LRP1B: variants seen among roughly 807,000 people sequenced by gnomAD.
The protein encoded by LRP1B is LDL receptor related protein 1B, also known as low-density lipoprotein receptor-related protein 1B.
Under a neutral mutation model 556.6 loss-of-function variants are expected in LRP1B, and 217 were observed. The ratio of observed to expected loss-of-function variants is 0.39; its 90% CI spans 0.35 to 0.44. The LOEUF is 0.44. Ranked by LOEUF, LRP1B falls within the 20% of genes least tolerant of loss-of-function variation. The probability of loss-of-function intolerance (pLI) is 1.00; values close to 1 mark genes in which losing one functional copy is unlikely to be tolerated. For synonymous variants in LRP1B, 2,047 were observed against 1,865.8 expected, an observed-to-expected ratio of 1.10 and a Z score of -2.50; for missense variants, 5,053 against 5,620.8, an observed-to-expected ratio of 0.90 and a Z score of 3.23.
chr2:141,300,548 G>A (rs1686350275), intron 3 of LRP1B, among the ~76,000 whole-genome samples: 1 of 152,194 alleles, frequency 6.6e-6, no homozygotes. Context: ...CAATGTTGAA[G>A]GTGAGCTTCG....
At chr2:141,585,885 CTT>C (rs11459511) in intron 2 of LRP1B, among the ~76,000 whole-genome samples, 10 of 144,218 alleles carry the variant, frequency 6.9e-5, no homozygotes, top group Middle Eastern at 3.6e-3. Flanking sequence ...TACAGGTGCA[CTT>C]TTTTTTTTTT....
chr2:140,580,158 G>C (rs1681703827), intron 43 of LRP1B, among the ~76,000 whole-genome samples: 1 of 152,134 alleles, frequency 6.6e-6, no homozygotes, highest in Non-Finnish European at 1.5e-5. Flanking sequence ...TTGACCAAGT[G>C]TCTTGTGTTT....
At chr2:141,083,114 T>C (rs1363459522) in intron 7 of LRP1B, among the ~76,000 whole-genome samples, 2 of 152,244 alleles carry the variant, frequency 1.3e-5, no homozygotes, top group African/African-American at 4.8e-5. Flanking sequence ...AGAATATTCT[T>C]ATAAAAATAT....
At chr2:140,905,574 C>T (rs886951345) in intron 22 of LRP1B, among the ~76,000 whole-genome samples, 26 of 152,234 alleles carry the variant, frequency 1.7e-4, no homozygotes, top group African/African-American at 6.3e-4. Flanking sequence ...GGGTCTTACT[C>T]TTACTTGCTG....
intron 2 of LRP1B, among the ~76,000 whole-genome samples, chr2:141,601,247 T>C (rs1687728685): frequency 6.6e-6 from 1 of 152,058 alleles, no homozygotes; most frequent in South Asian, 2.1e-4. Flanking sequence ...TCTATCTTAA[T>C]AACAGCACAT....
At chr2:141,306,130 T>C (rs1419896801) in intron 3 of LRP1B, among the ~76,000 whole-genome samples, 1 of 125,176 alleles carries the variant, frequency 8.0e-6, no homozygotes, top group Non-Finnish European at 1.7e-5. Flanking sequence ...TTACCTACTC[T>C]TCAATTATTT....
chr2:141,432,451 A>T (rs971614330), intron 3 of LRP1B, among the ~76,000 whole-genome samples: 1 of 152,032 alleles, frequency 6.6e-6, no homozygotes, highest in Non-Finnish European at 1.5e-5. Context: ...TTCTTGCCTA[A>T]TAGAATGAAT....
chr2:141,339,055 C>T (rs3109351), intron 3 of LRP1B, among the ~76,000 whole-genome samples: 91,578 of 151,884 alleles, frequency 0.6, 28,481 homozygotes, highest in African/African-American at 0.68. Flanking sequence ...TTCACTTGGC[C>T]AACTTCCTTT....
intron 52 of LRP1B, among the ~76,000 whole-genome samples, chr2:140,509,432 C>T (rs766520496): frequency 6.6e-6 from 1 of 152,102 alleles, no homozygotes; most frequent in East Asian, 1.9e-4. Flanking sequence ...CAGCTTCATT[C>T]GGCTATATCC....
chr2:141,000,273 C>T (rs1214981916), intron 15 of LRP1B, among the ~76,000 whole-genome samples: 2 of 151,874 alleles, frequency 1.3e-5, no homozygotes, highest in Non-Finnish European at 2.9e-5. Context: ...TCTGTGTGTC[C>T]TCTCCCACCA....
intron 2 of LRP1B, among the ~76,000 whole-genome samples, chr2:141,632,532 A>G (rs1000642504): frequency 6.6e-6 from 1 of 152,124 alleles, no homozygotes; most frequent in Non-Finnish European, 1.5e-5. Flanking sequence ...ATACTATTCT[A>G]TTTTTCACAC....
chr2:140,716,845 A>G (rs1418810391), intron 35 of LRP1B, 29 bp from the exon 36 acceptor site: 17 of 1,403,558 alleles, frequency 1.2e-5, no homozygotes, highest in East Asian at 2.3e-5. Context: ...AAAAAAATAC[A>G]TATACACACA....
intron 7 of LRP1B, among the ~76,000 whole-genome samples, chr2:141,133,506 AGG>A (rs1257608343): frequency 2.0e-4 from 31 of 152,056 alleles, no homozygotes; most frequent in African/African-American, 7.5e-4. Flanking sequence ...AAATGAGAAT[AGG>A]ACCTACTTCA....
chr2:140,986,541 T>C (rs1696932537), intron 17 of LRP1B, among the ~76,000 whole-genome samples: 1 of 152,164 alleles, frequency 6.6e-6, no homozygotes, highest in South Asian at 2.1e-4. Context: ...CTTTTTCTAA[T>C]TGAATGGCTG....
chr2:141,553,969 T>G (rs1483354761), intron 2 of LRP1B, among the ~76,000 whole-genome samples: 2 of 139,106 alleles, frequency 1.4e-5, no homozygotes, highest in Non-Finnish European at 3.0e-5. Context: ...AGATTATATA[T>G]CTACATTAAT....
At chr2:141,399,854 G>C (rs769708007) in intron 3 of LRP1B, among the ~76,000 whole-genome samples, 1 of 152,184 alleles carries the variant, frequency 6.6e-6, no homozygotes, top group Non-Finnish European at 1.5e-5. Flanking sequence ...GATATGCCAA[G>C]AGCAAGAACT....
chr2:140,816,917 T>C (rs1445806921), intron 31 of LRP1B, among the ~76,000 whole-genome samples: 1 of 152,172 alleles, frequency 6.6e-6, no homozygotes, highest in East Asian at 1.9e-4. Flanking sequence ...AAATGATTAA[T>C]TGGTATACAT....
intron 7 of LRP1B, among the ~76,000 whole-genome samples, chr2:141,166,384 T>TC (rs1491329802): frequency 6.7e-6 from 1 of 148,884 alleles, no homozygotes. Context: ...TTTTTTTTTT[T>TC]ACATTTTAAT....
In LRP1B at chr2:140,323,923, A is replaced by G. The variant is rs745992506; in HGVS notation, c.12484T>C (p.Leu4162=). ...AGTTGTTTATAACGATGAGATATCAAAACACCTTTTGTTTTATCAATATTT... is the reference window on the plus strand; with the variant it reads ...AGTTGTTTATAACGATGAGATATCAGAACACCTTTTGTTTTATCAATATTT... ...ALNIDKTKGV[L]ISHRYKQLDL... is the part of the protein sequence containing the mutation. Residue 4162 remains leucine, a synonymous_variant, in exon 81 of 91, where the codon TTG becomes CTG. Transcript: ENST00000389484. 2.5e-6 allele frequency: 4 copies of G among 1,578,668 alleles called. No individual in the cohort carries two copies. Among genetic ancestry groups the G allele is most frequent in the South Asian group, 1.1e-5 (1 of 89,714 alleles).
Sources: gnomAD v4.1 joint callset for allele counts (sites outside exome capture counted in the v4.1 genomes callset) on GRCh38, gnomAD v4.1.1 for gene constraint, MANE v1.5 for transcripts, NCBI Gene and HGNC (gene_info 2026-07-23, HGNC 2026-07-21) for gene names.